The following SEM1 variants were observed in gnomAD, a reference collection of about 807,000 sequenced individuals.
SEM1 encodes SEM1 26S proteasome subunit.
Under a neutral mutation model 12.7 loss-of-function variants are expected in SEM1, and 3 were observed. The observed-to-expected ratio is 0.24, with a 90% CI of 0.11 to 0.61. The LOEUF (loss-of-function observed/expected upper bound fraction) is 0.61. Ranked by LOEUF, SEM1 falls within the 20% of genes least tolerant of loss-of-function variation. The pLI is 0.88. For synonymous variants in SEM1, 30 were observed against 27.8 expected, an observed-to-expected ratio of 1.08 and a Z score of -0.25; for missense variants, 59 against 81.3, an observed-to-expected ratio of 0.73 and a Z score of 1.06.
intron 1 of SEM1, among the ~76,000 whole-genome samples, chr7:96,699,779 C>G (rs1326792065): frequency 6.6e-6 from 1 of 152,122 alleles, no homozygotes; most frequent in African/African-American, 2.4e-5. Context: ...TACTCAGAAG[C>G]CCAACAGGTA....
intron 2 of SEM1, among the ~76,000 whole-genome samples, chr7:96,546,274 G>C (rs1207312345): frequency 6.6e-6 from 1 of 152,016 alleles, no homozygotes; most frequent in Non-Finnish European, 1.5e-5. Flanking sequence ...CATCGGAGGG[G>C]AAGAAAATAT....
chr7:96,526,438 G>A (rs750204217), intron 2 of SEM1, among the ~76,000 whole-genome samples: 7 of 151,942 alleles, frequency 4.6e-5, no homozygotes, highest in Non-Finnish European at 7.4e-5. Flanking sequence ...CAGTTTACAC[G>A]GGGGAGAGGA....
rs183140199 is a variant in SEM1, at chr7:96,571,593, T to C, written c.171-64895A>G. On this transcript the variant is annotated intron_variant and NMD_transcript_variant, in intron 2 of 3. Transcript: ENST00000466986. ...ATATATATACATATATACGCACATA[T>C]ATACATATATATATACATACATATG... Among the ~76,000 whole-genome samples, 4 of 150,494 alleles carry C rather than the reference T, an allele frequency of 2.7e-5. No individual in the cohort carries two copies. In the East Asian group the frequency reaches 7.7e-4, roughly 29 times the overall value.
intron 2 of SEM1, among the ~76,000 whole-genome samples, chr7:96,546,889 A>G (rs1027286472): frequency 2.6e-5 from 4 of 152,146 alleles, no homozygotes; most frequent in Admixed American, 2.0e-4. Flanking sequence ...TTAGAAGCCA[A>G]GGAGTTTGTC....
chr7:96,564,077 C>G (rs1805773058), intron 2 of SEM1, among the ~76,000 whole-genome samples: 1 of 151,902 alleles, frequency 6.6e-6, no homozygotes, highest in South Asian at 2.1e-4. Flanking sequence ...GAGAGTTTAC[C>G]TGTTTGGGCT....
chr7:96,599,341 C>T (rs1807117371), intron 2 of SEM1, among the ~76,000 whole-genome samples: 1 of 151,938 alleles, frequency 6.6e-6, no homozygotes, highest in Admixed American at 6.6e-5. Context: ...TAGTAAAAAC[C>T]AAACCAAAAC....
At chr7:96,659,465 C>A (rs1233022018) in intron 2 of SEM1, among the ~76,000 whole-genome samples, 2 of 152,104 alleles carry the variant, frequency 1.3e-5, no homozygotes, top group African/African-American at 4.8e-5. Context: ...AAGATCTTTA[C>A]TAAATGCACT....
intron 2 of SEM1, chr7:96,649,257 C>A (rs577569087): frequency 6.6e-6 from 1 of 152,272 alleles, no homozygotes; most frequent in Admixed American, 6.5e-5. Flanking sequence ...AGAGATCATT[C>A]ATAAACCAAT....
chr7:96,558,623 G>A lies in SEM1; in HGVS notation c.171-51925C>T, dbSNP rs1032288298. Among the ~76,000 whole-genome samples, 5 of 152,066 alleles carry A rather than the reference G, an allele frequency of 3.3e-5. No individual in the cohort carries two copies. In the East Asian group the frequency reaches 5.8e-4, roughly 18 times the overall value. ...AGACAGAAAAGAAGCAAGGAGAGAG[G>A]GAGTTCACAAGGCAGAGAATAAATA... On this transcript the variant is annotated intron_variant and NMD_transcript_variant, in intron 2 of 3. Transcript: ENST00000466986.
chr7:96,555,030 G>A (rs1805434610), intron 2 of SEM1, among the ~76,000 whole-genome samples: 1 of 149,868 alleles, frequency 6.7e-6, no homozygotes, highest in Non-Finnish European at 1.5e-5. Flanking sequence ...ATTTCTGTGG[G>A]ATTGGTGGTG....
At chr7:96,485,307 G>A (rs1035928848) in intron 2 of SEM1, among the ~76,000 whole-genome samples, 1 of 152,052 alleles carries the variant, frequency 6.6e-6, no homozygotes, top group Non-Finnish European at 1.5e-5. Flanking sequence ...AGTTCTGGAG[G>A]TCAGAAGCCT....
At chr7:96,493,967 C>T (rs2117233282) in intron 1 of SEM1, among the ~76,000 whole-genome samples, 1 of 152,212 alleles carries the variant, frequency 6.6e-6, no homozygotes, top group South Asian at 2.1e-4. Flanking sequence ...GATCTTTGTC[C>T]TGTACTTTTT....
At chr7:96,588,216 T>C (rs1016072461) in intron 2 of SEM1, among the ~76,000 whole-genome samples, 2 of 151,570 alleles carry the variant, frequency 1.3e-5, no homozygotes, top group African/African-American at 4.8e-5. Context: ...ATTAGCCAGG[T>C]GTCGTGGTGC....
intron 2 of SEM1, among the ~76,000 whole-genome samples, chr7:96,571,556 G>A (rs1397433635): frequency 1.3e-5 from 2 of 150,718 alleles, no homozygotes; most frequent in African/African-American, 2.4e-5. Flanking sequence ...CTGTGTGTGT[G>A]TATATATATG....
chr7:96,525,282 A>T (rs1288807907), intron 2 of SEM1, among the ~76,000 whole-genome samples: 2 of 150,126 alleles, frequency 1.3e-5, no homozygotes, highest in African/African-American at 4.9e-5. Flanking sequence ...TTGGTTAGAA[A>T]TGTAATTCTG....
intron 2 of SEM1, among the ~76,000 whole-genome samples, chr7:96,588,585 GAA>G (rs1383996179): frequency 1.3e-5 from 2 of 151,510 alleles, no homozygotes; most frequent in African/African-American, 4.8e-5. Flanking sequence ...TAATAAGGAA[GAA>G]AAAAAGACAG....
intron 1 of SEM1, among the ~76,000 whole-genome samples, chr7:96,495,429 A>G (rs946071664): frequency 1.3e-5 from 2 of 152,148 alleles, no homozygotes; most frequent in African/African-American, 4.8e-5. Context: ...TCTGTAGGAG[A>G]GACATTAACA....
intron 2 of SEM1, among the ~76,000 whole-genome samples, chr7:96,681,298 C>A (rs1484812061): frequency 4.6e-5 from 7 of 152,024 alleles, no homozygotes; most frequent in Non-Finnish European, 1.5e-5. Flanking sequence ...TAAATTTCAA[C>A]AATGCGGTGT....
chr7:96,506,573 C>T (rs991831399), intron 3 of SEM1: 4 of 151,946 alleles, frequency 2.6e-5, no homozygotes, highest in Non-Finnish European at 5.9e-5. Context: ...ATTACAAATG[C>T]TATTATCAGG....
Sources: allele counts gnomAD v4.1 joint callset (sites outside exome capture counted in the v4.1 genomes callset), GRCh38; gene constraint gnomAD v4.1.1; transcripts MANE v1.5; gene names NCBI Gene and HGNC (gene_info 2026-07-23, HGNC 2026-07-21).